Variants in SH3GLB1 observed in about 807,000 individuals in gnomAD.
The protein encoded by SH3GLB1 is endophilin-B1.
A neutral mutation model predicts 42.0 loss-of-function variants in SH3GLB1; 17 were observed. The observed-to-expected ratio is 0.40, with a 90% CI of 0.28 to 0.61. The LOEUF is 0.61. Ranked by LOEUF, SH3GLB1 falls within the 20% of genes least tolerant of loss-of-function variation. The pLI is 0.36. For missense variants in SH3GLB1, 355 were observed against 426.3 expected (o/e 0.83, Z 1.47); for synonymous variants, 132 against 146.6 (o/e 0.90, Z 0.72).
intron 5 of SH3GLB1, chr1:86,730,093 G>T: frequency 6.3e-7 from 1 of 1,595,354 alleles, no homozygotes; most frequent in South Asian, 1.1e-5. Context: ...GCTAGATTTG[G>T]GCAGAGGAGG....
intron 1 of SH3GLB1, among the ~76,000 whole-genome samples, chr1:86,708,052 T>G (rs537677605): frequency 6.6e-6 from 1 of 152,350 alleles, no homozygotes; most frequent in Non-Finnish European, 1.5e-5. Context: ...TGAGGTTTCA[T>G]TATACTGTTA....
chr1:86,706,721 AT>A (rs1207670791), intron 1 of SH3GLB1, among the ~76,000 whole-genome samples: 3 of 152,220 alleles, frequency 2.0e-5, no homozygotes, highest in African/African-American at 7.2e-5. Context: ...TTGACACTGT[AT>A]AATGCTACTC....
intron 7 of SH3GLB1, among the ~76,000 whole-genome samples, chr1:86,740,747 G>T (rs1370917220): frequency 6.6e-6 from 1 of 152,114 alleles, no homozygotes; most frequent in Non-Finnish European, 1.5e-5. Flanking sequence ...AAGAGTTCGA[G>T]GATCTAAGAG....
Position 86,715,848 on chromosome 1 carries a change from T to A in SH3GLB1, c.197T>A (p.Leu66Ter). 1 of 1,610,510 alleles carries A rather than the reference T, an allele frequency of 6.2e-7. No homozygotes were observed. Among genetic ancestry groups the A allele is most frequent in the Non-Finnish European group, 8.5e-7 (1 of 1,179,276 alleles). ...AAAATAATGAAACAAACTGAAGTGT[T>A]ATTGCAGCCAAATCCAAGTAAGAAA... ...TEKIMKQTEV[L>*]LQPNPNARIE... Residue 66 changes from leucine to a stop codon, truncating the protein, a stop_gained, in exon 2 of 9, where the codon TTA becomes TAA. Transcript: ENST00000370558. LOFTEE classifies it high-confidence loss of function.
intron 7 of SH3GLB1, among the ~76,000 whole-genome samples, chr1:86,736,199 AGTT>A (rs1172623130): frequency 6.6e-6 from 1 of 152,160 alleles, no homozygotes; most frequent in Non-Finnish European, 1.5e-5. Context: ...TTTTAAAGTA[AGTT>A]GTTGTAAGGA....
Position 86,704,717 on chromosome 1 carries a change from C to T in SH3GLB1, c.-183C>T, listed in dbSNP as rs1055233181. The T allele has an allele frequency of 8.6e-6, 4 of 463,306 alleles. No individual in the cohort carries two copies. Among genetic ancestry groups the T allele is most frequent in the African/African-American group, 6.3e-5 (3 of 47,630 alleles). The allele number at this position is 463,306 out of a possible 1,614,324, so 28.7% of individuals were successfully genotyped here. On this transcript the variant is annotated 5_prime_UTR_variant, in exon 1 of 9. Coordinates refer to ENST00000370558, the MANE Select transcript of SH3GLB1 (RefSeq NM_016009.5). ...GCGCTGCCGCCGCGCGCTTGTTCTC[C>T]TCCCTCGCCCCGCCTTCATCCTCCC...
intron 5 of SH3GLB1, among the ~76,000 whole-genome samples, chr1:86,727,907 C>A (rs535926447): frequency 8.9e-4 from 136 of 152,006 alleles, no homozygotes; most frequent in African/African-American, 3.1e-3. Flanking sequence ...TCAGTATAGC[C>A]TTTAAGAACA....
intron 1 of SH3GLB1, among the ~76,000 whole-genome samples, chr1:86,711,198 A>T (rs1247378151): frequency 3.9e-5 from 6 of 152,094 alleles, no homozygotes; most frequent in Non-Finnish European, 7.4e-5. Context: ...CATTAAATAG[A>T]TGTCTTTGAT....
chr1:86,709,455 C>A lies in SH3GLB1; in HGVS notation c.72+4484C>A, dbSNP rs1336280007. Among the ~76,000 whole-genome samples, 7 of 152,228 alleles carry A rather than the reference C, an allele frequency of 4.6e-5. No homozygotes were observed. In the East Asian group the frequency reaches 1.4e-3, roughly 29 times the overall value. On this transcript the variant is annotated intron_variant, in intron 1 of 8. Coordinates refer to ENST00000370558, the MANE Select transcript of SH3GLB1 (RefSeq NM_016009.5). Reference sequence around the variant, plus strand: ...CCTAGGTGCTTGGCGTTGAAAGATACAAAGCTGAATGAGACCCTGTTCCTG... The same window carrying A: ...CCTAGGTGCTTGGCGTTGAAAGATAAAAAGCTGAATGAGACCCTGTTCCTG...
chr1:86,737,913 G>A (rs1056516681), intron 7 of SH3GLB1, among the ~76,000 whole-genome samples: 7 of 152,178 alleles, frequency 4.6e-5, no homozygotes, highest in Non-Finnish European at 1.0e-4. Flanking sequence ...AGCTGGTATG[G>A]TCAAGGAACA....
chr1:86,731,896 A>T (rs185372517), intron 5 of SH3GLB1, among the ~76,000 whole-genome samples: 1 of 152,250 alleles, frequency 6.6e-6, no homozygotes, highest in Non-Finnish European at 1.5e-5. Context: ...CCTGACCAGC[A>T]TGGTGAAACC....
At chr1:86,739,287 C>T (rs1214651866) in intron 7 of SH3GLB1, among the ~76,000 whole-genome samples, 1 of 152,120 alleles carries the variant, frequency 6.6e-6, no homozygotes, top group African/African-American at 2.4e-5. Context: ...CCCTGAAGTA[C>T]TCTAGCATAG....
rs562029598 is a variant in SH3GLB1, at chr1:86,734,943, A to T, written c.661-136A>T. ...GCTAGTGTACTATTCACGAAGGCCA[A>T]TCTTAATAAGCCTTGTAGTAAAATG... On this transcript the variant is annotated intron_variant, in intron 6 of 8. Coordinates refer to ENST00000370558, the MANE Select transcript of SH3GLB1 (RefSeq NM_016009.5). 176 of 688,816 alleles carry T rather than the reference A, an allele frequency of 2.6e-4. No individual in the cohort carries two copies. In the African/African-American group the frequency reaches 2.8e-3, roughly 11 times the overall value. 42.7% of individuals were successfully genotyped at this position (688,816 alleles called of 1,614,324 possible).
At chr1:86,729,963 T>C (rs1655416821) in intron 5 of SH3GLB1, 3 of 927,880 alleles carry the variant, frequency 3.2e-6, no homozygotes, top group Non-Finnish European at 4.8e-6. Flanking sequence ...GTTTAATCTA[T>C]AAATATGATT....
chr1:86,710,110 GT>G (rs1490506246), intron 1 of SH3GLB1, among the ~76,000 whole-genome samples: 4 of 152,110 alleles, frequency 2.6e-5, no homozygotes, highest in African/African-American at 9.7e-5. Flanking sequence ...ACTTAAAACT[GT>G]TTTCACATCC....
intron 8 of SH3GLB1, among the ~76,000 whole-genome samples, chr1:86,742,732 G>A (rs1482644730): frequency 1.3e-5 from 2 of 152,168 alleles, no homozygotes; most frequent in Non-Finnish European, 2.9e-5. Context: ...GGCCAAGGCA[G>A]TGGGATCACT....
intron 5 of SH3GLB1, among the ~76,000 whole-genome samples, chr1:86,730,930 A>G (rs1655475143): frequency 6.6e-6 from 1 of 152,224 alleles, no homozygotes; most frequent in Middle Eastern, 3.2e-3. Context: ...GATAGCAAGT[A>G]TTTGATTTTA....
rs558764480 is a variant in SH3GLB1 at position 86,747,416 on chromosome 1, T to C, written c.*4181T>C. The C allele has an allele frequency of 6.6e-6, 1 of 152,430 alleles. No individual in the cohort carries two copies. Among genetic ancestry groups the C allele is most frequent in the South Asian group, 2.1e-4 (1 of 4,828 alleles). 9.4% of individuals were successfully genotyped at this position (152,430 alleles called of 1,614,324 possible). ...ACTCTAAGCTTGAGAACCACTGCAA[T>C]AGAACTAAGAGAACATTCATTTCAC... On this transcript the variant is annotated 3_prime_UTR_variant, in exon 9 of 9. Coordinates refer to ENST00000370558, the MANE Select transcript of SH3GLB1 (RefSeq NM_016009.5).
chr1:86,712,986 A>C (rs765410572), intron 1 of SH3GLB1, among the ~76,000 whole-genome samples: 4 of 152,186 alleles, frequency 2.6e-5, no homozygotes, highest in Non-Finnish European at 5.9e-5. Context: ...TTAAGCAAAC[A>C]GGCCTTTTTA....
Sources: gnomAD v4.1 joint callset for allele counts (sites outside exome capture counted in the v4.1 genomes callset) on GRCh38, gnomAD v4.1.1 for gene constraint, MANE v1.5 for transcripts, NCBI Gene and HGNC (gene_info 2026-07-23, HGNC 2026-07-21) for gene names.